BTN2A2: variants seen among roughly 807,000 people sequenced by gnomAD.
BTN2A2 encodes the protein butyrophilin subfamily 2 member A2, also known as butyrophilin 2.
BTN2A2 carries 29 observed loss-of-function variants against 34.7 expected under a neutral mutation model. That is an observed-to-expected ratio of 0.84 (90% CI 0.62 to 1.14). The LOEUF (loss-of-function observed/expected upper bound fraction) is 1.14. Among genes scored for constraint, BTN2A2 ranks in the 50% most tolerant of loss-of-function variants. BTN2A2 has a pLI of 0.00. For missense variants in BTN2A2, 612 were observed against 651.5 expected (o/e 0.94, Z 0.66); for synonymous variants, 240 against 253.1 (o/e 0.95, Z 0.49).
Position 26,383,528 on chromosome 6 carries a change from C to G in BTN2A2, c.-30-264C>G, listed in dbSNP as rs1202712716. ...TGGAGGGACGAGGGTGTGAAAGAATCCAGGGACAACTGAAGAAACCGGACT... is the reference window on the plus strand; with the variant it reads ...TGGAGGGACGAGGGTGTGAAAGAATGCAGGGACAACTGAAGAAACCGGACT... On this transcript the variant is annotated intron_variant, in intron 1 of 7. Coordinates refer to ENST00000356709, the MANE Select transcript of BTN2A2 (RefSeq NM_006995.5). This position sits in a 1 kb window ranked among gnomAD's most constrained non-coding sequence, Gnocchi z 4.4. 3.3e-5 allele frequency: 13 copies of G among 388,828 alleles called. No homozygotes were observed. The highest frequency in any genetic ancestry group is 5.6e-5 in the Non-Finnish European group (12 of 213,058). 24.1% of individuals were successfully genotyped at this position (388,828 alleles called of 1,614,324 possible). A position where few individuals can be genotyped will look rare whatever the true frequency, so the allele number is the denominator to read the frequency against.
At chr6:26,390,935 A>G in intron 7 of BTN2A2, 106 bp downstream of exon 7, 9 of 1,556,792 alleles carry the variant, frequency 5.8e-6, no homozygotes, top group Non-Finnish European at 8.0e-6. Flanking sequence ...CACAGGGACC[A>G]TAGGGAACTG....
At position 26,394,261 on chromosome 6, in the gene BTN2A2, G is replaced by T; in HGVS notation, c.*1294G>T. 1.4e-6 allele frequency: 1 copy of T among 700,568 alleles called. No individual in the cohort carries two copies. Among genetic ancestry groups the T allele is most frequent in the Non-Finnish European group, 2.6e-6 (1 of 384,626 alleles). The allele number at this position is 700,568 out of a possible 1,614,324, so 43.4% of individuals were successfully genotyped here. On this transcript the variant is annotated 3_prime_UTR_variant, in exon 8 of 8. Coordinates refer to ENST00000356709, the MANE Select transcript of BTN2A2 (RefSeq NM_006995.5). ...ACCACATTTTGAAACTAGAATAGTG[G>T]ATCCTGGAAGTTAATCCATGTGCTG... is the stretch of plus-strand genomic sequence containing the variant.
chr6:26,389,860 C>A (rs544507698), intron 4 of BTN2A2, 145 bp from the exon 5 acceptor site: 58 of 767,774 alleles, frequency 7.6e-5, no homozygotes, highest in Admixed American at 6.0e-4. Flanking sequence ...CAGTGTTGAG[C>A]CAGCATCGCT....
chr6:26,393,057 C>T lies in BTN2A2; in HGVS notation c.*90C>T. On this transcript the variant is annotated 3_prime_UTR_variant, in exon 8 of 8. Transcript: ENST00000356709. ...CCCCCCTAATGAAAGACACGCCCTC[C>T]TCCCCTCTGGTCACGTAAGAGAACA... The T allele has an allele frequency of 6.2e-7, 1 of 1,612,184 alleles. No individual in the cohort carries two copies. The highest frequency in any genetic ancestry group is 8.5e-7 in the Non-Finnish European group (1 of 1,178,966).
rs372237219 is a variant in BTN2A2, at chr6:26,385,161, G to T, written c.241G>T (p.Val81Leu). The change falls in exon 3 of 8, where the codon GTG (valine) becomes TTG (leucine). Residue 81 changes from valine (V) to leucine (L), a missense_variant. Transcript: ENST00000356709. The stretch of plus-strand genomic sequence containing the variant: ...GTCTCAGTTCTCCCCCGCAGTGTTT[G>T]TGTATAAGGGTGGGAGAGAGAGAAC... ...FRSQFSPAVF[V>L]YKGGRERTEE... 2.5e-6 allele frequency: 4 copies of T among 1,614,014 alleles called. No homozygotes were observed. In the African/African-American group the frequency reaches 5.3e-5, roughly 22 times the overall value.
chr6:26,385,528 C>T, intron 3 of BTN2A2, 166 bp downstream of exon 3: 1 of 651,886 alleles, frequency 1.5e-6, no homozygotes, highest in Non-Finnish European at 2.6e-6. Context: ...GTGGGTTTGC[C>T]CTGCTAAGCT....
intron 7 of BTN2A2, chr6:26,392,131 C>T: frequency 7.8e-7 from 1 of 1,276,950 alleles, no homozygotes; most frequent in Non-Finnish European, 1.1e-6. Flanking sequence ...TTCCTAAACT[C>T]TCTGGATTTC....
intron 3 of BTN2A2, 86 bp downstream of exon 3, chr6:26,385,448 C>T (rs1458485077): frequency 1.5e-6 from 2 of 1,292,802 alleles, no homozygotes; most frequent in African/African-American, 3.0e-5. Flanking sequence ...CCATTGCAGA[C>T]CAACGGATTT....
chr6:26,386,358 T>A (rs1761203127), intron 3 of BTN2A2, among the ~76,000 whole-genome samples: 1 of 138,276 alleles, frequency 7.2e-6, no homozygotes, highest in African/African-American at 3.3e-5. Flanking sequence ...ATTTCAGGAC[T>A]GAAAAAAGCC....
chr6:26,390,580 A>G, intron 5 of BTN2A2, 107 bp from the exon 6 acceptor site: 1 of 1,359,914 alleles, frequency 7.4e-7, no homozygotes, highest in Non-Finnish European at 1.0e-6. Flanking sequence ...ACGAAGGGTG[A>G]TGTTGGTGTT....
Position 26,393,169 on chromosome 6 carries a change from GC to G in BTN2A2, c.*203del. Reference sequence around the variant, plus strand: ...AGTCTGTGGCTTTAGTAGTTCCTTTGCTTGTAATTATGGGATGGGATCCAGG... The same window carrying G: ...AGTCTGTGGCTTTAGTAGTTCCTTTGTTGTAATTATGGGATGGGATCCAGG... On this transcript the variant is annotated 3_prime_UTR_variant, in exon 8 of 8. Transcript: ENST00000356709. 1 of 1,576,684 alleles carries G rather than the reference GC, an allele frequency of 6.3e-7. No individual in the cohort carries two copies. Among genetic ancestry groups the G allele is most frequent in the Non-Finnish European group, 8.6e-7 (1 of 1,163,550 alleles).
chr6:26,393,118 T>A lies in BTN2A2; in HGVS notation c.*151T>A. On this transcript the variant is annotated 3_prime_UTR_variant, in exon 8 of 8. Coordinates refer to ENST00000356709, the MANE Select transcript of BTN2A2 (RefSeq NM_006995.5). The stretch of plus-strand genomic sequence containing the variant: ...GCCTTTTTCACACCCACTCCAGCCC[T>A]CTGCCCCAGTTTTCTCCTCCTCACT... 6.2e-7 allele frequency: 1 copy of A among 1,607,698 alleles called. No individual in the cohort carries two copies. Among genetic ancestry groups the A allele is most frequent in the Middle Eastern group, 1.7e-4 (1 of 6,024 alleles).
At chr6:26,392,142 A>G in intron 7 of BTN2A2, 10 of 1,356,404 alleles carry the variant, frequency 7.4e-6, no homozygotes, top group Non-Finnish European at 6.1e-6. Flanking sequence ...TCTGGATTTC[A>G]TAGAGCCACA....
chr6:26,385,209 C>T lies in BTN2A2; in HGVS notation c.289C>T (p.Arg97Trp), dbSNP rs367692328. The stretch of plus-strand genomic sequence containing the variant: ...AACAGAGGAGCAGATGGAGGAGTAC[C>T]GGGGAAGAATCACCTTTGTGAGCAA... Reference protein sequence around the residue: ...ERTEEQMEEYRGRITFVSKDI... With the variant: ...ERTEEQMEEYWGRITFVSKDI... Residue 97 changes from arginine to tryptophan, a missense_variant, in exon 3 of 8, where the codon CGG becomes TGG. Physicochemically the swap from Arg to Trp is moderately radical, Grantham distance 101. Coordinates refer to ENST00000356709, the MANE Select transcript of BTN2A2 (RefSeq NM_006995.5). 4.3e-6 allele frequency: 7 copies of T among 1,613,900 alleles called. No homozygotes were observed. Among genetic ancestry groups the T allele is most frequent in the Non-Finnish European group, 4.2e-6 (5 of 1,180,016 alleles).
chr6:26,389,096 CA>C (rs1484859512), intron 4 of BTN2A2, among the ~76,000 whole-genome samples: 1 of 151,788 alleles, frequency 6.6e-6, no homozygotes, highest in Non-Finnish European at 1.5e-5. Flanking sequence ...GCCTGGGCAA[CA>C]GAGTGAGACT....
At chr6:26,385,938 G>A (rs1376539067) in intron 3 of BTN2A2, among the ~76,000 whole-genome samples, 2 of 152,222 alleles carry the variant, frequency 1.3e-5, no homozygotes, top group Non-Finnish European at 2.9e-5. Context: ...AAAGTCTTAT[G>A]CCTGCCTTGG....
Position 26,383,591 on chromosome 6 carries a change from C to A in BTN2A2, c.-30-201C>A. The A allele has an allele frequency of 2.0e-6, 1 of 509,520 alleles. No homozygotes were observed. Among genetic ancestry groups the A allele is most frequent in the South Asian group, 2.8e-5 (1 of 35,406 alleles). 31.6% of individuals were successfully genotyped at this position (509,520 alleles called of 1,614,324 possible). A position where few individuals can be genotyped will look rare whatever the true frequency, so the allele number is the denominator to read the frequency against. ...GTGGGAAGAGGAAGGAGGAAAACGG[C>A]CCCCTTGATCTCTGCATTGATGGCT... is the stretch of plus-strand genomic sequence containing the variant. On this transcript the variant is annotated intron_variant, in intron 1 of 7. Transcript: ENST00000356709. The surrounding 1 kb of genome is among the most constrained non-coding windows in gnomAD (Gnocchi z 4.4).
At position 26,391,900 on chromosome 6, in the gene BTN2A2, A is replaced by T. The variant is rs554014955; in HGVS notation, c.980-475A>T. The T allele has an allele frequency of 4.0e-5, 12 of 298,414 alleles. No homozygotes were observed. The South Asian group carries it at 5.6e-4, about 14-fold the overall frequency. 18.5% of individuals were successfully genotyped at this position (298,414 alleles called of 1,614,324 possible). On this transcript the variant is annotated intron_variant, in intron 7 of 7. Coordinates refer to ENST00000356709, the MANE Select transcript of BTN2A2 (RefSeq NM_006995.5). ...AAAACAACCTATAGGACCAACGAAG[A>T]GGTCCTTCACCACCTAGGACAGTGT...
At chr6:26,386,040 T>C (rs1761182647) in intron 3 of BTN2A2, among the ~76,000 whole-genome samples, 1 of 152,242 alleles carries the variant, frequency 6.6e-6, no homozygotes, top group South Asian at 2.1e-4. Context: ...CAGAGAACTA[T>C]GACATGAAAT....
Sources: gnomAD v4.1 joint callset for allele counts (sites outside exome capture counted in the v4.1 genomes callset) on GRCh38, gnomAD v4.1.1 for gene constraint, Gnocchi (gnomAD v3.1) non-coding constraint, MANE v1.5 for transcripts, NCBI Gene and HGNC (gene_info 2026-07-23, HGNC 2026-07-21) for gene names.